The following SIPA1L1 variants were observed in gnomAD, a reference collection of about 807,000 sequenced individuals.
SIPA1L1 encodes signal-induced proliferation-associated 1-like protein 1.
In SIPA1L1, 26 loss-of-function variants were observed where a neutral mutation model predicts 162.7. The observed-to-expected ratio is 0.16, with a 90% confidence interval of 0.12 to 0.22. SIPA1L1 has a LOEUF of 0.22. SIPA1L1 is among the 10% of genes least tolerant of loss of function. The pLI, the probability that SIPA1L1 is intolerant of heterozygous loss-of-function variation, is 1.00. For synonymous variants in SIPA1L1, 829 were observed against 837.4 expected (o/e 0.99, Z 0.17); for missense variants, 1,874 against 2,241.0 (o/e 0.84, Z 3.31).
chr14:71,645,159 C>T (rs2042051310), intron 7 of SIPA1L1, among the ~76,000 whole-genome samples: 1 of 152,212 alleles, frequency 6.6e-6, no homozygotes, highest in African/African-American at 2.4e-5. Flanking sequence ...CTCCCTTTGA[C>T]CCTGCCTCCA....
chr14:71,332,265 G>T (rs749174996), intron 2 of SIPA1L1, among the ~76,000 whole-genome samples: 3 of 152,146 alleles, frequency 2.0e-5, no homozygotes, highest in South Asian at 4.1e-4. Flanking sequence ...GGGACTGGTG[G>T]CTGCTGCTGG....
chr14:71,630,410 G>T (rs1446811231), intron 7 of SIPA1L1, among the ~76,000 whole-genome samples: 9 of 152,196 alleles, frequency 5.9e-5, no homozygotes, highest in Non-Finnish European at 1.3e-4. Flanking sequence ...GGGACTGATA[G>T]CATTAGCATT....
chr14:71,363,643 TGAA>T (rs2038010447), intron 2 of SIPA1L1, among the ~76,000 whole-genome samples: 1 of 152,208 alleles, frequency 6.6e-6, no homozygotes, highest in African/African-American at 2.4e-5. Flanking sequence ...TGTCATCTTT[TGAA>T]GAAGGACATT....
At chr14:71,689,489 T>C (rs1281748906) in intron 13 of SIPA1L1, among the ~76,000 whole-genome samples, 1 of 152,226 alleles carries the variant, frequency 6.6e-6, no homozygotes. Flanking sequence ...TAAAAATTGC[T>C]GGCTGTGGCA....
intron 2 of SIPA1L1, among the ~76,000 whole-genome samples, chr14:71,344,547 A>ATCTGTCTG (rs369305460): frequency 1.3e-5 from 2 of 151,732 alleles, no homozygotes; most frequent in African/African-American, 4.8e-5. Context: ...AAATTTCTCT[A>ATCTGTCTG]TCTGTCTGTC....
intron 4 of SIPA1L1, among the ~76,000 whole-genome samples, chr14:71,538,544 C>G (rs1037362797): frequency 1.1e-4 from 17 of 152,224 alleles, no homozygotes; most frequent in African/African-American, 4.1e-4. Context: ...TCAGATCTCT[C>G]TGTCCTTATT....
intron 4 of SIPA1L1, among the ~76,000 whole-genome samples, chr14:71,577,704 T>C (rs2033287534): frequency 6.6e-6 from 1 of 151,388 alleles, no homozygotes; most frequent in Non-Finnish European, 1.5e-5. Flanking sequence ...CACAATTTGC[T>C]TAACTTTATG....
intron 17 of SIPA1L1, among the ~76,000 whole-genome samples, chr14:71,720,976 T>C (rs1272886258): frequency 1.3e-5 from 2 of 152,200 alleles, no homozygotes; most frequent in African/African-American, 4.8e-5. Flanking sequence ...GATGAGGTTA[T>C]GTCTTCCTGG....
chr14:71,716,291 G>T (rs764823981), intron 17 of SIPA1L1, among the ~76,000 whole-genome samples: 5 of 152,130 alleles, frequency 3.3e-5, no homozygotes, highest in Non-Finnish European at 7.4e-5. Context: ...TCACCCAAAG[G>T]CTTGTTATTT....
intron 4 of SIPA1L1, among the ~76,000 whole-genome samples, chr14:71,532,998 A>G (rs2053582549): frequency 6.6e-6 from 1 of 152,114 alleles, no homozygotes; most frequent in Non-Finnish European, 1.5e-5. Flanking sequence ...CTGGAAACAT[A>G]TTGTATCTGT....
Position 71,723,813 on chromosome 14 carries a change from A to C in SIPA1L1, c.4375A>C (p.Thr1459Pro). Residue 1459 changes from threonine (T) to proline (P), a missense_variant, in exon 18 of 24, where the codon ACT (threonine) becomes CCT (proline). Thr to Pro is a conservative substitution (Grantham distance 38). This residue lies in a region of SIPA1L1 where 936 missense variants were observed against 1,051.9 expected (regional missense o/e 0.89). Coordinates refer to ENST00000381232, the MANE Select transcript of SIPA1L1 (RefSeq NM_001386936.1). ...GAGTTTTTACCCTCGCCAGGGCGCT[A>C]CTAGCAAGTACCTGATTGGATGGAA... ...PRSFYPRQGATSKYLIGWKKP... is the reference protein window; with the variant it reads ...PRSFYPRQGAPSKYLIGWKKP... The C allele has an allele frequency of 6.2e-7, 1 of 1,614,202 alleles. No homozygotes were observed. The highest frequency in any genetic ancestry group is 8.5e-7 in the Non-Finnish European group (1 of 1,180,030).
chr14:71,540,500 G>C (rs955144428), intron 4 of SIPA1L1, among the ~76,000 whole-genome samples: 2 of 152,000 alleles, frequency 1.3e-5, no homozygotes, highest in Non-Finnish European at 2.9e-5. Context: ...GGGCAATATA[G>C]CAAGACCGCA....
chr14:71,631,421 T>A (rs1222342246), intron 7 of SIPA1L1, among the ~76,000 whole-genome samples: 1 of 152,240 alleles, frequency 6.6e-6, no homozygotes, highest in East Asian at 1.9e-4. Flanking sequence ...TCTCTATTGA[T>A]GGGCATGTAT....
chr14:71,547,181 A>G lies in SIPA1L1; in HGVS notation c.-303+17811A>G, dbSNP rs1301796235. Among the ~76,000 whole-genome samples, 3 of 151,864 alleles carry G rather than the reference A, an allele frequency of 2.0e-5. 1 individual carries two copies. The highest frequency in any genetic ancestry group is 4.8e-5 in the African/African-American group (2 of 41,394). ...GAATGTTATATGTGTTAGAAACTCA[A>G]ATGTTTTTGAATGAATGAACTAATT... is the stretch of plus-strand genomic sequence containing the variant. On this transcript the variant is annotated intron_variant, in intron 4 of 23. Coordinates refer to ENST00000381232, the MANE Select transcript of SIPA1L1 (RefSeq NM_001386936.1).
In SIPA1L1 at chr14:71,417,540, A is replaced by G. The variant is rs529181433; in HGVS notation, c.-464-95203A>G. Among the ~76,000 whole-genome samples, 89 of 146,304 alleles carry G rather than the reference A, an allele frequency of 6.1e-4. 1 individual carries two copies. The highest frequency in any genetic ancestry group is 9.6e-4 in the Non-Finnish European group (64 of 66,826). ...AGAAGAGAAAATATATTTGCTATTCATTAATGGAAGTGGATCATAAAGGTC... is the reference window on the plus strand; with the variant it reads ...AGAAGAGAAAATATATTTGCTATTCGTTAATGGAAGTGGATCATAAAGGTC... On this transcript the variant is annotated intron_variant, in intron 2 of 23. Coordinates refer to ENST00000381232, the MANE Select transcript of SIPA1L1 (RefSeq NM_001386936.1).
intron 2 of SIPA1L1, among the ~76,000 whole-genome samples, chr14:71,361,154 A>G (rs1350706256): frequency 6.6e-6 from 1 of 152,186 alleles, no homozygotes; most frequent in Non-Finnish European, 1.5e-5. Flanking sequence ...CTTTTGCAGC[A>G]CATGGTTAAA....
chr14:71,650,625 TG>T, intron 8 of SIPA1L1, 116 bp downstream of exon 8: 1 of 949,476 alleles, frequency 1.1e-6, no homozygotes. Flanking sequence ...CTGCTGGTGA[TG>T]GGGGAGAGAA....
chr14:71,552,492 C>G (rs550448632), intron 4 of SIPA1L1, among the ~76,000 whole-genome samples: 2 of 151,514 alleles, frequency 1.3e-5, no homozygotes, highest in African/African-American at 4.9e-5. Context: ...CCCAGGTTCA[C>G]GACATTCTCC....
At chr14:71,405,098 T>C (rs2041948477) in intron 2 of SIPA1L1, among the ~76,000 whole-genome samples, 1 of 152,216 alleles carries the variant, frequency 6.6e-6, no homozygotes, top group Admixed American at 6.5e-5. Flanking sequence ...GATTGGTACA[T>C]AGTAGGTGCT....
Sources: gnomAD v4.1 joint callset for allele counts (sites outside exome capture counted in the v4.1 genomes callset) on GRCh38, gnomAD v4.1.1 for gene constraint, gnomAD v4.1.1 regional missense constraint, MANE v1.5 for transcripts, NCBI Gene and HGNC (gene_info 2026-07-23, HGNC 2026-07-21) for gene names.